BMPER: variants seen among roughly 807,000 people sequenced by gnomAD.
BMPER encodes the protein BMP binding endothelial regulator.
In BMPER, 45 loss-of-function variants were observed where a neutral mutation model predicts 87.3. That is an observed-to-expected ratio of 0.52 (90% CI 0.41 to 0.66). BMPER has a LOEUF of 0.66. Among genes scored for constraint, BMPER ranks in the 30% least tolerant of loss-of-function variants. BMPER has a pLI of 0.00. For synonymous variants in BMPER, 326 were observed against 316.2 expected (o/e 1.03, Z -0.33); for missense variants, 784 against 867.5 (o/e 0.90, Z 1.21).
chr7:33,905,436 T>TCCCCCCCCCCCCCCCCCC, upstream of BMPER: 1 of 20,336 alleles, frequency 4.9e-5, no homozygotes, highest in Non-Finnish European at 9.2e-5. Flanking sequence ...CACCTTGGTC[T>TCCCCCCCCCCCCCCCCCC]CTCCCCCCGC....
At chr7:34,129,877 T>C (rs1488813879) in intron 13 of BMPER, among the ~76,000 whole-genome samples, 1 of 152,210 alleles carries the variant, frequency 6.6e-6, no homozygotes, top group Non-Finnish European at 1.5e-5. Flanking sequence ...TTGCTAGATA[T>C]TTGGATTAGC....
intron 13 of BMPER, among the ~76,000 whole-genome samples, chr7:34,115,983 C>T (rs1790108209): frequency 1.3e-5 from 2 of 152,156 alleles, no homozygotes; most frequent in African/African-American, 4.8e-5. Context: ...AACACTCTGA[C>T]TTTTTAATTA....
Position 34,051,767 on chromosome 7 carries a change from A to C in BMPER, c.677-94A>C. ...TGCTCCAGACTTACGTGGTCTTATAAGAATGTATAATGGACCTATGATGGA... is the reference window on the plus strand; with the variant it reads ...TGCTCCAGACTTACGTGGTCTTATACGAATGTATAATGGACCTATGATGGA... On this transcript the variant is annotated intron_variant, in intron 7 of 14. Coordinates refer to ENST00000649409, the MANE Select transcript of BMPER (RefSeq NM_001365308.1). 14 of 1,102,116 alleles carry C rather than the reference A, an allele frequency of 1.3e-5. No individual in the cohort carries two copies. In the South Asian group the frequency reaches 1.8e-4, roughly 14 times the overall value. The allele number at this position is 1,102,116 out of a possible 1,614,324, so 68.3% of individuals were successfully genotyped here.
chr7:34,098,686 A>G (rs1297641680), intron 13 of BMPER, among the ~76,000 whole-genome samples: 1 of 152,198 alleles, frequency 6.6e-6, no homozygotes, highest in Non-Finnish European at 1.5e-5. Context: ...CCTGGGCCAG[A>G]AGACCTTTCA....
At chr7:34,067,426 G>T (rs1421053420) in intron 11 of BMPER, 1 of 151,938 alleles carries the variant, frequency 6.6e-6, no homozygotes, top group African/African-American at 2.4e-5. Flanking sequence ...CAACCTAGGG[G>T]CCCATTTTAT....
intron 6 of BMPER, among the ~76,000 whole-genome samples, chr7:34,017,481 G>T (rs1392865694): frequency 5.3e-5 from 8 of 151,794 alleles, no homozygotes; most frequent in African/African-American, 9.7e-5. Flanking sequence ...TCACTATCAT[G>T]AGAACAGCAT....
intron 11 of BMPER, among the ~76,000 whole-genome samples, chr7:34,077,472 C>G (rs1788895277): frequency 6.6e-6 from 1 of 152,188 alleles, no homozygotes; most frequent in Non-Finnish European, 1.5e-5. Flanking sequence ...ACCCTCCACC[C>G]TGAGGAGTGC....
chr7:34,023,896 A>C (rs1328463420), intron 6 of BMPER, among the ~76,000 whole-genome samples: 1 of 152,000 alleles, frequency 6.6e-6, no homozygotes, highest in East Asian at 1.9e-4. Context: ...CTGAGAATTT[A>C]AGATGTAAAA....
chr7:33,960,905 A>T (rs1013285366), intron 3 of BMPER, among the ~76,000 whole-genome samples: 3 of 152,216 alleles, frequency 2.0e-5, no homozygotes, highest in Non-Finnish European at 4.4e-5. Context: ...TGGAATTCAC[A>T]TTGTGCATGG....
chr7:33,947,201 G>A (rs1278521698), intron 3 of BMPER, among the ~76,000 whole-genome samples: 2 of 152,114 alleles, frequency 1.3e-5, no homozygotes, highest in Non-Finnish European at 2.9e-5. Context: ...CAGCTTTTCT[G>A]TATTTACTTG....
chr7:34,063,160 T>C (rs1281571439), intron 11 of BMPER, among the ~76,000 whole-genome samples: 1 of 152,200 alleles, frequency 6.6e-6, no homozygotes, highest in African/African-American at 2.4e-5. Context: ...CCATGTATGA[T>C]AAGTAGGATT....
chr7:34,043,806 G>C (rs1010294017), intron 6 of BMPER, among the ~76,000 whole-genome samples: 1 of 152,220 alleles, frequency 6.6e-6, no homozygotes, highest in Non-Finnish European at 1.5e-5. Context: ...ATTAGTGAAA[G>C]AGAGTTGAGG....
At chr7:34,057,580 G>A (rs1390492821) in intron 9 of BMPER, among the ~76,000 whole-genome samples, 1 of 152,156 alleles carries the variant, frequency 6.6e-6, no homozygotes, top group African/African-American at 2.4e-5. Context: ...TGCATGTCCT[G>A]TATGGGCCAG....
intron 3 of BMPER, among the ~76,000 whole-genome samples, chr7:33,953,386 G>C (rs1028643033): frequency 2.0e-5 from 3 of 152,236 alleles, no homozygotes; most frequent in Non-Finnish European, 4.4e-5. Context: ...CTTGGAAGTA[G>C]ATGGGGAATC....
At chr7:34,087,772 C>T (rs538088394) in intron 13 of BMPER, among the ~76,000 whole-genome samples, 120 of 152,332 alleles carry the variant, frequency 7.9e-4, no homozygotes, top group African/African-American at 2.7e-3. Context: ...GGCTGTGCTT[C>T]TCCCAGGGCC....
intron 7 of BMPER, among the ~76,000 whole-genome samples, chr7:34,050,500 G>A (rs557625406): frequency 6.6e-6 from 1 of 152,248 alleles, no homozygotes; most frequent in Non-Finnish European, 1.5e-5. Flanking sequence ...AAGACAGCAT[G>A]TTTTTCTTGA....
Position 34,143,150 on chromosome 7 carries a change from C to T in BMPER, c.1746-80C>T, listed in dbSNP as rs1407302863. 24 of 1,590,584 alleles carry T rather than the reference C, an allele frequency of 1.5e-5. No homozygotes were observed. In the Admixed American group the frequency reaches 1.7e-4, roughly 11 times the overall value. ...TGGGCCAATCAGGTTTTCCCATCTACGACCCTTTCTGAAGTTATATTTAGG... is the reference window on the plus strand; with the variant it reads ...TGGGCCAATCAGGTTTTCCCATCTATGACCCTTTCTGAAGTTATATTTAGG... On this transcript the variant is annotated intron_variant, in intron 13 of 14. Coordinates refer to ENST00000649409, the MANE Select transcript of BMPER (RefSeq NM_001365308.1).
chr7:34,038,090 T>C (rs1445421194), intron 6 of BMPER, among the ~76,000 whole-genome samples: 1 of 152,192 alleles, frequency 6.6e-6, no homozygotes, highest in African/African-American at 2.4e-5. Flanking sequence ...GATGTCCATG[T>C]CCTAATCTCC....
intron 13 of BMPER, among the ~76,000 whole-genome samples, chr7:34,113,613 T>A (rs1479479409): frequency 1.0e-5 from 1 of 97,966 alleles, no homozygotes; most frequent in African/African-American, 3.4e-5. Flanking sequence ...AATATAAAAC[T>A]TTGGGCTTAA....
Sources: gnomAD v4.1 joint callset for allele counts (sites outside exome capture counted in the v4.1 genomes callset) on GRCh38, gnomAD v4.1.1 for gene constraint, MANE v1.5 for transcripts, NCBI Gene and HGNC (gene_info 2026-07-23, HGNC 2026-07-21) for gene names.